The following PEX3 variants were observed in gnomAD, a reference collection of about 807,000 sequenced individuals.
PEX3 encodes peroxin-3.
In PEX3, 30 loss-of-function variants were observed where a neutral mutation model predicts 55.8. The ratio of observed to expected loss-of-function variants is 0.54; its 90% CI spans 0.40 to 0.73. The LOEUF is 0.73. Among genes scored for constraint, PEX3 ranks in the 30% least tolerant of loss-of-function variants. The pLI, the probability that PEX3 is intolerant of heterozygous loss-of-function variation, is 0.00. For synonymous variants in PEX3, 135 were observed against 148.4 expected, an observed-to-expected ratio of 0.91 and a Z score of 0.66; for missense variants, 351 against 432.8, an observed-to-expected ratio of 0.81 and a Z score of 1.68.
rs1441999624 is a variant in PEX3 at position 143,451,203 on chromosome 6, C to G, written c.73+88C>G. ...TAAAATAAGGACAGGCCGGGCGATC[C>G]TAGTCTGGGATATGTAGAGGGAGTT... On this transcript the variant is annotated intron_variant, in intron 1 of 11. Coordinates refer to ENST00000367591, the MANE Select transcript of PEX3 (RefSeq NM_003630.3). The surrounding 1 kb of genome is among the most constrained non-coding windows in gnomAD (Gnocchi z 4.1). The G allele has an allele frequency of 3.1e-6, 3 of 961,582 alleles. No homozygotes were observed. The allele number at this position is 961,582 out of a possible 1,614,324, so 59.6% of individuals were successfully genotyped here.
intron 4 of PEX3, among the ~76,000 whole-genome samples, chr6:143,468,866 C>T (rs1179116008): frequency 2.0e-5 from 3 of 146,758 alleles, no homozygotes; most frequent in East Asian, 2.1e-4. Context: ...ATGTTCCCCA[C>T]CCTGTGTTCA....
chr6:143,475,972 T>C lies in PEX3; in HGVS notation c.818+1116T>C, dbSNP rs1780148388. The stretch of plus-strand genomic sequence containing the variant: ...AGGTCTTCATCCCTACTGGAATGTG[T>C]ATGTTAGTGGGAGAGAAAAATAATC... On this transcript the variant is annotated intron_variant, in intron 9 of 11. Coordinates refer to ENST00000367591, the MANE Select transcript of PEX3 (RefSeq NM_003630.3). The surrounding 1 kb of genome is among the most constrained non-coding windows in gnomAD (Gnocchi z 4.4). 6.6e-6 allele frequency among the ~76,000 whole-genome samples: 1 copy of C among 152,234 alleles called. No homozygotes were observed. Among genetic ancestry groups the C allele is most frequent in the African/African-American group, 2.4e-5 (1 of 41,456 alleles).
At position 143,479,993 on chromosome 6, in the gene PEX3, A is replaced by G. The variant is rs1780212806; in HGVS notation, c.941+795A>G. On this transcript the variant is annotated intron_variant, in intron 10 of 11. Transcript: ENST00000367591. This position sits in a 1 kb window ranked among gnomAD's most constrained non-coding sequence, Gnocchi z 4.6. The stretch of plus-strand genomic sequence containing the variant: ...TTTTTTTTTAATTGGGGACACAGTA[A>G]TTGATAGGCAATATGTATGTGCAAT... Among the ~76,000 whole-genome samples, 1 of 152,094 alleles carries G rather than the reference A, an allele frequency of 6.6e-6. No homozygotes were observed. Among genetic ancestry groups the G allele is most frequent in the African/African-American group, 2.4e-5 (1 of 41,442 alleles).
rs996017431 is a variant in PEX3, at chr6:143,483,170, A to T, written c.942-1982A>T. Reference sequence around the variant, plus strand: ...CAAAGACACAGATAATTCACAAAAGAGCAGATGGAAATGGCCAGTTTGTTA... The same window carrying T: ...CAAAGACACAGATAATTCACAAAAGTGCAGATGGAAATGGCCAGTTTGTTA... On this transcript the variant is annotated intron_variant, in intron 10 of 11. Transcript: ENST00000367591. This position sits in a 1 kb window ranked among gnomAD's most constrained non-coding sequence, Gnocchi z 4.3. 6.6e-6 allele frequency among the ~76,000 whole-genome samples: 1 copy of T among 152,150 alleles called. No individual in the cohort carries two copies. Among genetic ancestry groups the T allele is most frequent in the Non-Finnish European group, 1.5e-5 (1 of 68,020 alleles).
chr6:143,461,581 GAA>G (rs34748871), intron 2 of PEX3, among the ~76,000 whole-genome samples: 43,706 of 143,828 alleles, frequency 0.3, 6,919 homozygotes, highest in African/African-American at 0.42. Context: ...TGATATACTA[GAA>G]AAAAAAAAAA....
intron 3 of PEX3, among the ~76,000 whole-genome samples, chr6:143,467,707 A>C (rs1412194956): frequency 6.6e-6 from 1 of 152,186 alleles, no homozygotes; most frequent in Admixed American, 6.5e-5. Flanking sequence ...TAATAACTAC[A>C]GTGGATTGAT....
rs1226396141 is a variant in PEX3 at position 143,487,454 on chromosome 6, TAC to T, written c.1039-1683_1039-1682del. ...TGTCCATACACCTCACATACATATGTACACACATATACCACAGTCCTCCAGTG... is the reference window on the plus strand; with the variant it reads ...TGTCCATACACCTCACATACATATGTACACATATACCACAGTCCTCCAGTG... On this transcript the variant is annotated intron_variant, in intron 11 of 11. Coordinates refer to ENST00000367591, the MANE Select transcript of PEX3 (RefSeq NM_003630.3). This position sits in a 1 kb window ranked among gnomAD's most constrained non-coding sequence, Gnocchi z 5.3. 6.6e-6 allele frequency among the ~76,000 whole-genome samples: 1 copy of T among 152,124 alleles called. No homozygotes were observed. The highest frequency in any genetic ancestry group is 2.4e-5 in the African/African-American group (1 of 41,444).
At chr6:143,472,659 G>A (rs867448071) in intron 8 of PEX3, among the ~76,000 whole-genome samples, 2 of 152,100 alleles carry the variant, frequency 1.3e-5, no homozygotes, top group African/African-American at 4.8e-5. Flanking sequence ...GGGCTGCAGC[G>A]TATTTTTGTA....
intron 10 of PEX3, among the ~76,000 whole-genome samples, chr6:143,481,260 G>A (rs553040753): frequency 1.8e-4 from 27 of 151,132 alleles, no homozygotes; most frequent in African/African-American, 6.0e-4. Context: ...AAAGTCAAAA[G>A]TGCAAAATGA....
chr6:143,458,634 T>TA lies in PEX3; in HGVS notation c.74-444dup, dbSNP rs1584002712. ...ACCTATTTTTTGTATCTGTTTCCAT[T>TA]AAAAAAAGTAACATTTCTGGGATCT... On this transcript the variant is annotated intron_variant, in intron 1 of 11. Coordinates refer to ENST00000367591, the MANE Select transcript of PEX3 (RefSeq NM_003630.3). This position sits in a 1 kb window ranked among gnomAD's most constrained non-coding sequence, Gnocchi z 6.1. Among the ~76,000 whole-genome samples, 1 of 152,172 alleles carries TA rather than the reference T, an allele frequency of 6.6e-6. No homozygotes were observed. Among genetic ancestry groups the TA allele is most frequent in the Non-Finnish European group, 1.5e-5 (1 of 68,024 alleles).
In PEX3 at chr6:143,453,668, C is replaced by T. The variant is rs1409660164; in HGVS notation, c.73+2553C>T. On this transcript the variant is annotated intron_variant, in intron 1 of 11. Transcript: ENST00000367591. The surrounding 1 kb of genome is among the most constrained non-coding windows in gnomAD (Gnocchi z 4.6). ...GATTTGCCTGACATCTTCACACTTT[C>T]CTCACTCATGCGATCCTCTCACCTC... Among the ~76,000 whole-genome samples the T allele has an allele frequency of 6.6e-6, 1 of 152,152 alleles. No individual in the cohort carries two copies. Among genetic ancestry groups the T allele is most frequent in the East Asian group, 1.9e-4 (1 of 5,192 alleles).
intron 8 of PEX3, among the ~76,000 whole-genome samples, chr6:143,473,641 A>G (rs552376628): frequency 6.6e-6 from 1 of 152,246 alleles, no homozygotes; most frequent in African/African-American, 2.4e-5. Context: ...GACGGGGAGG[A>G]TCACTTGGGT....
At chr6:143,456,434 A>C (rs982476848) in intron 1 of PEX3, among the ~76,000 whole-genome samples, 3 of 152,196 alleles carry the variant, frequency 2.0e-5, no homozygotes, top group Admixed American at 2.0e-4. Context: ...ATCAAGAAAA[A>C]TAATGGATTG....
At position 143,490,471 on chromosome 6, in the gene PEX3, C is replaced by T. The variant is rs941854164; in HGVS notation, c.*1245C>T. 3 of 238,276 alleles carry T rather than the reference C, an allele frequency of 1.3e-5. No homozygotes were observed. The highest frequency in any genetic ancestry group is 2.5e-5 in the Non-Finnish European group (3 of 121,326). 14.8% of individuals were successfully genotyped at this position (238,276 alleles called of 1,614,324 possible). A position where few individuals can be genotyped will look rare whatever the true frequency, so the allele number is the denominator to read the frequency against. On this transcript the variant is annotated 3_prime_UTR_variant, in exon 12 of 12. Coordinates refer to ENST00000367591, the MANE Select transcript of PEX3 (RefSeq NM_003630.3). The surrounding 1 kb of genome is among the most constrained non-coding windows in gnomAD (Gnocchi z 6.0). ...ATAGGTAGTGGAGCCATAGCCCTCA[C>T]CATAGACACCTCTGAGCCCACTGGC...
intron 2 of PEX3, among the ~76,000 whole-genome samples, chr6:143,461,335 C>T (rs1269020556): frequency 6.6e-6 from 1 of 152,066 alleles, no homozygotes; most frequent in Non-Finnish European, 1.5e-5. Context: ...GTATGCTCCT[C>T]CAGCAAAAGA....
chr6:143,482,522 C>G lies in PEX3; in HGVS notation c.942-2630C>G, dbSNP rs1178085475. Among the ~76,000 whole-genome samples the G allele has an allele frequency of 6.6e-6, 1 of 151,196 alleles. No individual in the cohort carries two copies. Among genetic ancestry groups the G allele is most frequent in the African/African-American group, 2.4e-5 (1 of 41,104 alleles). ...TTGATTTTTTTCATCTTAAACCTGA[C>G]AAATGATAATAAAGGTAATATGGAG... On this transcript the variant is annotated intron_variant, in intron 10 of 11. Coordinates refer to ENST00000367591, the MANE Select transcript of PEX3 (RefSeq NM_003630.3). The surrounding 1 kb of genome is among the most constrained non-coding windows in gnomAD (Gnocchi z 5.5).
At chr6:143,469,205 T>C (rs1276952565) in intron 4 of PEX3, among the ~76,000 whole-genome samples, 1 of 152,236 alleles carries the variant, frequency 6.6e-6, no homozygotes, top group Non-Finnish European at 1.5e-5. Context: ...ATGGGATGGC[T>C]GGGTCAAATG....
chr6:143,451,182 A>G lies in PEX3; in HGVS notation c.73+67A>G. On this transcript the variant is annotated intron_variant, in intron 1 of 11. Transcript: ENST00000367591. The surrounding 1 kb of genome is among the most constrained non-coding windows in gnomAD (Gnocchi z 4.1). ...GGTGGGAGAGGTGACTTCTTCTAAAATAAGGACAGGCCGGGCGATCCTAGT... is the reference window on the plus strand; with the variant it reads ...GGTGGGAGAGGTGACTTCTTCTAAAGTAAGGACAGGCCGGGCGATCCTAGT... 9.0e-7 allele frequency: 1 copy of G among 1,107,836 alleles called. No individual in the cohort carries two copies. The highest frequency in any genetic ancestry group is 1.4e-6 in the Non-Finnish European group (1 of 720,118). 68.6% of individuals were successfully genotyped at this position (1,107,836 alleles called of 1,614,324 possible).
Position 143,464,102 on chromosome 6 carries a change from T to TA in PEX3, c.287+1106dup. 6.6e-6 allele frequency among the ~76,000 whole-genome samples: 1 copy of TA among 152,210 alleles called. No homozygotes were observed. The highest frequency in any genetic ancestry group is 1.5e-5 in the Non-Finnish European group (1 of 67,954). On this transcript the variant is annotated intron_variant, in intron 3 of 11. Transcript: ENST00000367591. This position sits in a 1 kb window ranked among gnomAD's most constrained non-coding sequence, Gnocchi z 5.8. ...AAGGTTTAGCTTATAAATTAGTTCA[T>TA]ACAGTTTTATGAAGAAGAAACATAT... is the stretch of plus-strand genomic sequence containing the variant.
Sources: allele counts gnomAD v4.1 joint callset (sites outside exome capture counted in the v4.1 genomes callset), GRCh38; gene constraint gnomAD v4.1.1; non-coding constraint Gnocchi (gnomAD v3.1); transcripts MANE v1.5; gene names NCBI Gene and HGNC (gene_info 2026-07-23, HGNC 2026-07-21).